AGBL4: variants seen among roughly 807,000 people sequenced by gnomAD.
The protein encoded by AGBL4 is cytosolic carboxypeptidase 6.
A neutral mutation model predicts 66.4 loss-of-function variants in AGBL4; 58 were observed. The observed-to-expected ratio is 0.87, with a 90% confidence interval of 0.71 to 1.09. AGBL4 has a LOEUF of 1.09. AGBL4 is among the 50% of genes least tolerant of loss of function. The pLI, the probability that AGBL4 is intolerant of heterozygous loss-of-function variation, is 0.00. For missense variants in AGBL4, 579 were observed against 631.0 expected, an observed-to-expected ratio of 0.92 and a Z score of 0.88; for synonymous variants, 234 against 222.9, an observed-to-expected ratio of 1.05 and a Z score of -0.44.
chr1:48,774,238 T>C (rs1644969687), intron 6 of AGBL4, among the ~76,000 whole-genome samples: 4 of 152,194 alleles, frequency 2.6e-5, no homozygotes, highest in Admixed American at 1.3e-4. Flanking sequence ...CCTGGTGCCA[T>C]AGCACAGTGG....
intron 12 of AGBL4, among the ~76,000 whole-genome samples, chr1:48,539,233 C>T (rs1244179025): frequency 6.6e-6 from 1 of 152,178 alleles, no homozygotes; most frequent in African/African-American, 2.4e-5. Flanking sequence ...TCATAATAAT[C>T]ATGTATGTGA....
intron 3 of AGBL4, among the ~76,000 whole-genome samples, chr1:49,344,636 C>T (rs1645604182): frequency 6.6e-6 from 1 of 152,082 alleles, no homozygotes; most frequent in East Asian, 1.9e-4. Context: ...TAGTGATCTG[C>T]TCTTTAACCC....
At chr1:49,273,759 C>T (rs1033849993) in intron 3 of AGBL4, among the ~76,000 whole-genome samples, 8 of 152,074 alleles carry the variant, frequency 5.3e-5, no homozygotes, top group Admixed American at 2.6e-4. Context: ...TCACTGCAAG[C>T]TCCACCTCCC....
intron 2 of AGBL4, among the ~76,000 whole-genome samples, chr1:49,788,667 A>C (rs1396909690): frequency 6.6e-6 from 1 of 152,196 alleles, no homozygotes; most frequent in Non-Finnish European, 1.5e-5. Flanking sequence ...AAAACAGATT[A>C]GAAACATCAG....
chr1:49,986,398 G>A (rs546701519), intron 1 of AGBL4, among the ~76,000 whole-genome samples: 3 of 152,042 alleles, frequency 2.0e-5, no homozygotes, highest in Admixed American at 2.0e-4. Context: ...GTATTACATT[G>A]TAATATGCCA....
intron 6 of AGBL4, among the ~76,000 whole-genome samples, chr1:48,799,140 A>G (rs1645755980): frequency 6.6e-6 from 1 of 152,196 alleles, no homozygotes; most frequent in Admixed American, 6.5e-5. Context: ...GATTCTACCC[A>G]TCCATTAACA....
At chr1:50,010,948 A>G (rs1661485990) in intron 1 of AGBL4, among the ~76,000 whole-genome samples, 1 of 152,182 alleles carries the variant, frequency 6.6e-6, no homozygotes, top group Non-Finnish European at 1.5e-5. Flanking sequence ...CTCAGCAACC[A>G]AAGCAAAAAT....
At chr1:49,416,251 A>G (rs930106235) in intron 3 of AGBL4, among the ~76,000 whole-genome samples, 6 of 152,180 alleles carry the variant, frequency 3.9e-5, no homozygotes, top group Non-Finnish European at 7.4e-5. Context: ...GCATATATGC[A>G]TATGTATGTG....
rs780785527 is a variant in AGBL4 at position 48,663,212 on chromosome 1, C to G, written c.664G>C (p.Val222Leu). The change falls in exon 7 of 14, where the codon GTG (valine) becomes CTG (leucine). Residue 222 changes from valine (V) to leucine (L), a missense_variant. Coordinates refer to ENST00000371839, the MANE Select transcript of AGBL4 (RefSeq NM_032785.4). ...DNLREGAEQK[V>L]VFITGRVHPG... ...TGGACTCGTCCTGTGATGAATACCA[C>G]CTTCTGCTCTGCCCCTTCCCGGAGA... 6.2e-7 allele frequency: 1 copy of G among 1,613,896 alleles called. No homozygotes were observed. The highest frequency in any genetic ancestry group is 8.5e-7 in the Non-Finnish European group (1 of 1,179,866).
At chr1:49,581,836 G>A (rs1167023168) in intron 3 of AGBL4, among the ~76,000 whole-genome samples, 1 of 152,100 alleles carries the variant, frequency 6.6e-6, no homozygotes, top group Admixed American at 6.5e-5. Context: ...TTTCTTGCAT[G>A]TCAATTGTAG....
At chr1:49,985,613 C>T (rs551629021) in intron 1 of AGBL4, among the ~76,000 whole-genome samples, 1 of 152,134 alleles carries the variant, frequency 6.6e-6, no homozygotes, top group Non-Finnish European at 1.5e-5. Flanking sequence ...GAGGAAAAAG[C>T]CAGTACACAC....
chr1:48,823,375 C>A (rs1646356703), intron 6 of AGBL4, among the ~76,000 whole-genome samples: 2 of 152,172 alleles, frequency 1.3e-5, no homozygotes, highest in Non-Finnish European at 2.9e-5. Context: ...TATGCACACT[C>A]CAAGGTTGGC....
intron 8 of AGBL4, among the ~76,000 whole-genome samples, chr1:48,650,693 G>A (rs7550588): frequency 0.031 from 4,663 of 152,270 alleles, 245 homozygotes; most frequent in African/African-American, 0.1. Context: ...CATTAGATTG[G>A]CAAGTAGAAT....
chr1:48,864,020 T>G (rs1326685374), intron 6 of AGBL4, among the ~76,000 whole-genome samples: 1 of 152,100 alleles, frequency 6.6e-6, no homozygotes, highest in Non-Finnish European at 1.5e-5. Context: ...CAAGCCATAG[T>G]CTGGGAGAAG....
rs569533179 is a variant in AGBL4, at chr1:49,942,263, C to A, written c.34+81500G>T. Among the ~76,000 whole-genome samples, 5 of 152,062 alleles carry A rather than the reference C, an allele frequency of 3.3e-5. No individual in the cohort carries two copies. The South Asian group carries it at 1.0e-3, about 32-fold the overall frequency. On this transcript the variant is annotated intron_variant, in intron 1 of 13. Transcript: ENST00000371839. ...ATATTGCCAAAATGTCCATACTAAA[C>A]AAAGCAATCTATGAATTCAAAGCAA...
At chr1:48,769,646 C>G (rs2148687441) in intron 6 of AGBL4, among the ~76,000 whole-genome samples, 1 of 152,052 alleles carries the variant, frequency 6.6e-6, no homozygotes, top group African/African-American at 2.4e-5. Flanking sequence ...GTGGGCAGTA[C>G]CCACAACTAA....
At chr1:48,779,783 G>A (rs1043360063) in intron 6 of AGBL4, among the ~76,000 whole-genome samples, 2 of 148,344 alleles carry the variant, frequency 1.3e-5, no homozygotes, top group Non-Finnish European at 3.0e-5. Flanking sequence ...GCCTGGTCTC[G>A]GCTCACTGCC....
chr1:49,456,028 A>C (rs1429488024), intron 3 of AGBL4, among the ~76,000 whole-genome samples: 1 of 151,808 alleles, frequency 6.6e-6, no homozygotes, highest in Admixed American at 6.6e-5. Context: ...AACTTCCAAG[A>C]GAGCCTACTG....
chr1:48,690,779 T>C (rs1646617229), intron 6 of AGBL4, among the ~76,000 whole-genome samples: 1 of 152,132 alleles, frequency 6.6e-6, no homozygotes, highest in Non-Finnish European at 1.5e-5. Flanking sequence ...GCAGAAGAAA[T>C]ACACATGTCA....
Sources: allele counts gnomAD v4.1 joint callset (sites outside exome capture counted in the v4.1 genomes callset), GRCh38; gene constraint gnomAD v4.1.1; transcripts MANE v1.5; gene names NCBI Gene and HGNC (gene_info 2026-07-23, HGNC 2026-07-21).